The following SIPA1L2 variants were observed in gnomAD, a reference collection of about 807,000 sequenced individuals.
SIPA1L2 encodes the protein signal induced proliferation associated 1 like 2.
A neutral mutation model predicts 163.9 loss-of-function variants in SIPA1L2; 56 were observed. That is an observed-to-expected ratio of 0.34 (90% CI 0.28 to 0.43). SIPA1L2 has a LOEUF of 0.43. SIPA1L2 is among the 20% of genes least tolerant of loss of function. SIPA1L2 has a pLI of 1.00. For synonymous variants in SIPA1L2, 877 were observed against 865.7 expected, an observed-to-expected ratio of 1.01 and a Z score of -0.23; for missense variants, 1,974 against 2,193.5, an observed-to-expected ratio of 0.90 and a Z score of 2.00.
At chr1:232,505,810 C>A (rs537452128) in intron 3 of SIPA1L2, among the ~76,000 whole-genome samples, 3 of 152,174 alleles carry the variant, frequency 2.0e-5, no homozygotes, top group African/African-American at 7.2e-5. Context: ...AAGAACTCAG[C>A]CGATTATGTC....
intron 1 of SIPA1L2, among the ~76,000 whole-genome samples, chr1:232,628,967 T>G (rs1433823180): frequency 6.6e-6 from 1 of 152,282 alleles, no homozygotes; most frequent in African/African-American, 2.4e-5. Flanking sequence ...CCAGTCTCAA[T>G]CTAACCAAAA....
intron 2 of SIPA1L2, among the ~76,000 whole-genome samples, chr1:232,547,315 T>TC (rs1414953349): frequency 4.0e-5 from 6 of 151,706 alleles, no homozygotes; most frequent in Non-Finnish European, 8.8e-5. Flanking sequence ...TACGGGTCTT[T>TC]CCCCAAATCA....
chr1:232,429,503 C>T (rs1213253791), intron 16 of SIPA1L2, among the ~76,000 whole-genome samples: 1 of 152,064 alleles, frequency 6.6e-6, no homozygotes, highest in Non-Finnish European at 1.5e-5. Context: ...AGAAGGATTT[C>T]TCTAAAATCC....
At chr1:232,415,739 G>A (rs915808447) in intron 18 of SIPA1L2, 114 bp from the exon 19 acceptor site, 32 of 1,407,802 alleles carry the variant, frequency 2.3e-5, no homozygotes, top group Non-Finnish European at 2.9e-5. Flanking sequence ...GTCAGAACAC[G>A]GGCACCACTG....
intron 2 of SIPA1L2, among the ~76,000 whole-genome samples, chr1:232,542,678 C>A (rs1400034876): frequency 1.3e-5 from 2 of 152,178 alleles, no homozygotes; most frequent in East Asian, 1.9e-4. Flanking sequence ...GAGGCCAAAC[C>A]CCACAGAGTG....
chr1:232,601,312 A>G (rs1661584346), intron 1 of SIPA1L2, among the ~76,000 whole-genome samples: 1 of 152,226 alleles, frequency 6.6e-6, no homozygotes. Context: ...CCTGGGCCCA[A>G]GCAATCCTCC....
chr1:232,529,947 C>T (rs563159922), intron 2 of SIPA1L2, among the ~76,000 whole-genome samples: 5 of 152,294 alleles, frequency 3.3e-5, no homozygotes. Context: ...ATCAACCCCA[C>T]AGTTTGGGAG....
At chr1:232,442,569 G>GAAAAAAAAAAAAAAA (rs1354346558) in intron 12 of SIPA1L2, among the ~76,000 whole-genome samples, 1 of 142,784 alleles carries the variant, frequency 7.0e-6, no homozygotes, top group African/African-American at 2.7e-5. Context: ...AAAAAAAAAG[G>GAAAAAAAAAAAAAAA]AAAAAAAAGA....
chr1:232,608,497 G>T (rs575468560), intron 1 of SIPA1L2, among the ~76,000 whole-genome samples: 1 of 152,282 alleles, frequency 6.6e-6, no homozygotes, highest in South Asian at 2.1e-4. Context: ...CAAATTAATG[G>T]GTTGGAATCA....
intron 1 of SIPA1L2, among the ~76,000 whole-genome samples, chr1:232,597,420 G>A (rs1386103486): frequency 6.6e-6 from 1 of 151,706 alleles, no homozygotes; most frequent in Non-Finnish European, 1.5e-5. Flanking sequence ...GCTCACACCT[G>A]TAATCCCAGC....
chr1:232,414,083 G>C (rs1408421725), intron 19 of SIPA1L2, among the ~76,000 whole-genome samples: 2 of 152,072 alleles, frequency 1.3e-5, no homozygotes, highest in East Asian at 3.9e-4. Flanking sequence ...GGTAGCATCA[G>C]AGAATGAGGG....
chr1:232,518,002 G>A (rs907415439), intron 2 of SIPA1L2, among the ~76,000 whole-genome samples: 2 of 152,088 alleles, frequency 1.3e-5, no homozygotes, highest in African/African-American at 2.4e-5. Flanking sequence ...AGCTATGATC[G>A]CACCACTGCA....
intron 2 of SIPA1L2, among the ~76,000 whole-genome samples, chr1:232,532,629 G>A (rs1657034836): frequency 6.6e-6 from 1 of 152,188 alleles, no homozygotes; most frequent in Non-Finnish European, 1.5e-5. Context: ...TTCCAGAATT[G>A]TTTGTGTTTC....
At position 232,464,954 on chromosome 1, in the gene SIPA1L2, C is replaced by A; in HGVS notation, c.2706G>T (p.Gly902=). The A allele has an allele frequency of 6.2e-7, 1 of 1,614,228 alleles. No homozygotes were observed. Among genetic ancestry groups the A allele is most frequent in the Non-Finnish European group, 8.5e-7 (1 of 1,180,036 alleles). Reference sequence around the variant, plus strand: ...TGATACTCACTAATCCAGATGTCCACCCAATCACATCCCTGCAGGAACAGT... The same window carrying A: ...TGATACTCACTAATCCAGATGTCCAACCAATCACATCCCTGCAGGAACAGT... ...VFNCSCRDVI[G]WTSGLVSIKV... The change falls in exon 9 of 23, where the codon GGG becomes GGT. Residue 902 remains glycine, a synonymous_variant. Transcript: ENST00000674635.
chr1:232,462,385 G>T, intron 9 of SIPA1L2: 2 of 1,483,756 alleles, frequency 1.3e-6, no homozygotes, highest in Middle Eastern at 3.6e-4. Context: ...TGACTACATA[G>T]ATACCTATTT....
chr1:232,516,789 C>T (rs1428510693), intron 2 of SIPA1L2, among the ~76,000 whole-genome samples: 2 of 152,044 alleles, frequency 1.3e-5, no homozygotes, highest in Admixed American at 6.6e-5. Flanking sequence ...ATTTTCAAAC[C>T]GAATTACAGT....
chr1:232,462,831 C>T (rs975919570), intron 9 of SIPA1L2, among the ~76,000 whole-genome samples: 2 of 152,190 alleles, frequency 1.3e-5, no homozygotes, highest in African/African-American at 4.8e-5. Flanking sequence ...CAGAGTCCTC[C>T]AGCTCTGGCT....
At chr1:232,453,468 T>C (rs971479428) in intron 10 of SIPA1L2, among the ~76,000 whole-genome samples, 41 of 152,314 alleles carry the variant, frequency 2.7e-4, no homozygotes, top group African/African-American at 9.6e-4. Context: ...TCACAGAGAA[T>C]CTTTAAGTGA....
intron 2 of SIPA1L2, among the ~76,000 whole-genome samples, chr1:232,549,431 A>G (rs921506251): frequency 1.3e-5 from 2 of 152,342 alleles, no homozygotes; most frequent in South Asian, 2.1e-4. Context: ...GGTTGTAGAA[A>G]AGGTATATAG....
Sources: gnomAD v4.1 joint callset for allele counts (sites outside exome capture counted in the v4.1 genomes callset) on GRCh38, gnomAD v4.1.1 for gene constraint, MANE v1.5 for transcripts, NCBI Gene and HGNC (gene_info 2026-07-23, HGNC 2026-07-21) for gene names.